MORN4: variants seen among roughly 807,000 people sequenced by gnomAD.
The protein encoded by MORN4 is MORN repeat-containing protein 4.
MORN4 carries 8 observed loss-of-function variants against 16.4 expected under a neutral mutation model. The observed-to-expected ratio is 0.49, with a 90% confidence interval of 0.29 to 0.88. The LOEUF (loss-of-function observed/expected upper bound fraction) is 0.88. Ranked by LOEUF, MORN4 falls within the 40% of genes least tolerant of loss-of-function variation. The pLI, the probability that MORN4 is intolerant of heterozygous loss-of-function variation, is 0.09. For missense variants in MORN4, 159 were observed against 182.9 expected (o/e 0.87, Z 0.75); for synonymous variants, 53 against 68.9 (o/e 0.77, Z 1.14).
chr10:97,616,515 C>T lies in MORN4; in HGVS notation c.293-104G>A, dbSNP rs566233679. On this transcript the variant is annotated intron_variant, in intron 4 of 4. Coordinates refer to ENST00000307450, the MANE Select transcript of MORN4 (RefSeq NM_178832.4). ...ATGTCCAGGCCAAAGAAGAGAAAAA[C>T]TCCCAGCTCTACTCAGGAGTACTCT... 1.6e-4 allele frequency: 219 copies of T among 1,369,964 alleles called. No homozygotes were observed. In the African/African-American group the frequency reaches 2.9e-3, roughly 18 times the overall value. The allele number at this position is 1,369,964 out of a possible 1,614,324, so 84.9% of individuals were successfully genotyped here.
At chr10:97,624,842 G>A (rs967504185) in intron 1 of MORN4, among the ~76,000 whole-genome samples, 18 of 152,050 alleles carry the variant, frequency 1.2e-4, no homozygotes, top group Admixed American at 5.2e-4. Context: ...ACAGGCATGC[G>A]CCACCACGCC....
In MORN4 at chr10:97,626,662, GT is replaced by G. The variant is rs372434710; in HGVS notation, c.-31+6684del. ...GTAGAGACAGGGCTTCACCATGTTG[GT>G]CAGGCTGGTCTCGAACTCCTGACCT... On this transcript the variant is annotated intron_variant, in intron 1 of 4. Transcript: ENST00000307450. Among the ~76,000 whole-genome samples, 438 of 151,656 alleles carry G rather than the reference GT, an allele frequency of 2.9e-3. 2 individuals are homozygous for G. The highest frequency in any genetic ancestry group is 0.01 in the African/African-American group (424 of 41,378).
rs576788522 is a variant in MORN4, at chr10:97,629,799, C to T, written c.-31+3548G>A. Among the ~76,000 whole-genome samples, 22 of 152,148 alleles carry T rather than the reference C, an allele frequency of 1.4e-4. No homozygotes were observed. The South Asian group carries it at 2.7e-3, about 19-fold the overall frequency. On this transcript the variant is annotated intron_variant, in intron 1 of 4. Coordinates refer to ENST00000307450, the MANE Select transcript of MORN4 (RefSeq NM_178832.4). The stretch of plus-strand genomic sequence containing the variant: ...TTTGAGACAGAGTCTCGCTTTGTCA[C>T]GCTGGGTGGAGTACAGTGGTGTGAT...
chr10:97,632,359 C>T (rs1439073921), intron 1 of MORN4, among the ~76,000 whole-genome samples: 2 of 151,696 alleles, frequency 1.3e-5, no homozygotes, highest in African/African-American at 2.4e-5. Context: ...GTTGGGATTA[C>T]AGGCACGTGC....
intron 1 of MORN4, among the ~76,000 whole-genome samples, chr10:97,625,338 C>G (rs2041337335): frequency 7.0e-6 from 1 of 143,182 alleles, no homozygotes; most frequent in Non-Finnish European, 1.5e-5. Flanking sequence ...ATTTAAGTAT[C>G]TCTAAATCTC....
intron 1 of MORN4, among the ~76,000 whole-genome samples, chr10:97,625,370 GAGATA>G (rs1446075558): frequency 1.3e-5 from 2 of 152,176 alleles, no homozygotes; most frequent in East Asian, 1.9e-4. Flanking sequence ...CTGTAAAGTG[GAGATA>G]AGATATGTAT....
In MORN4 at chr10:97,630,209, G is replaced by A. The variant is rs1272047562; in HGVS notation, c.-31+3138C>T. Among the ~76,000 whole-genome samples, 4 of 152,112 alleles carry A rather than the reference G, an allele frequency of 2.6e-5. No individual in the cohort carries two copies. In the East Asian group the frequency reaches 7.7e-4, roughly 29 times the overall value. On this transcript the variant is annotated intron_variant, in intron 1 of 4. Coordinates refer to ENST00000307450, the MANE Select transcript of MORN4 (RefSeq NM_178832.4). ...CCCGAAGTGCTGGGATTACAGGCATGAGCCACTGTGCCCGGCCCCGGCTAA... is the reference window on the plus strand; with the variant it reads ...CCCGAAGTGCTGGGATTACAGGCATAAGCCACTGTGCCCGGCCCCGGCTAA...
chr10:97,620,500 AAAAAAAAG>A lies in MORN4; in HGVS notation c.-30-825_-30-818del, dbSNP rs1347597583. Among the ~76,000 whole-genome samples the A allele has an allele frequency of 2.2e-4, 32 of 146,972 alleles. 1 individual carries two copies. The highest frequency in any genetic ancestry group is 3.6e-4 in the Non-Finnish European group (24 of 67,352). On this transcript the variant is annotated intron_variant, in intron 1 of 4. Transcript: ENST00000307450. ...CAAGACTCTGTCTCAAAAAAAAAAA[AAAAAAAAG>A]AAAAAAAAAAGAAAATATGGGGAAC...
At chr10:97,619,467 T>C (rs2041268647) in intron 2 of MORN4, 120 bp downstream of exon 2, 4 of 778,074 alleles carry the variant, frequency 5.1e-6, no homozygotes, top group South Asian at 2.8e-5. Context: ...GCAGGCACTA[T>C]ATGGAATTAA....
At chr10:97,631,553 T>G (rs1387159553) in intron 1 of MORN4, among the ~76,000 whole-genome samples, 1 of 151,574 alleles carries the variant, frequency 6.6e-6, no homozygotes, top group East Asian at 1.9e-4. Flanking sequence ...TTTCTAATTT[T>G]AAGAAATCAA....
chr10:97,630,656 G>A (rs1311397482), intron 1 of MORN4, among the ~76,000 whole-genome samples: 1 of 152,208 alleles, frequency 6.6e-6, no homozygotes, highest in East Asian at 1.9e-4. Context: ...CATTTGGCTA[G>A]AAACTGTCAC....
intron 1 of MORN4, among the ~76,000 whole-genome samples, chr10:97,625,750 T>A (rs1367372861): frequency 2.0e-5 from 3 of 152,228 alleles, no homozygotes; most frequent in Admixed American, 1.3e-4. Context: ...TATTTTTATT[T>A]TGGCCTCATG....
At chr10:97,623,723 C>T (rs1010259802) in intron 1 of MORN4, among the ~76,000 whole-genome samples, 6 of 150,348 alleles carry the variant, frequency 4.0e-5, no homozygotes, top group African/African-American at 9.9e-5. Flanking sequence ...CAAAACAAGA[C>T]GGGATTCTTT....
chr10:97,616,251 C>T lies in MORN4; in HGVS notation c.*12G>A. 1 of 1,560,302 alleles carries T rather than the reference C, an allele frequency of 6.4e-7. No homozygotes were observed. Among genetic ancestry groups the T allele is most frequent in the South Asian group, 1.2e-5 (1 of 82,970 alleles). ...TTTACCCAATACTTATCAGCTGGTG[C>T]CCACTGCGCTGTCAGGCAGTGAGAT... is the stretch of plus-strand genomic sequence containing the variant. On this transcript the variant is annotated 3_prime_UTR_variant, in exon 5 of 5. Transcript: ENST00000307450.
intron 2 of MORN4, 76 bp downstream of exon 2, chr10:97,619,511 G>A: frequency 1.0e-6 from 1 of 984,590 alleles, no homozygotes; most frequent in Non-Finnish European, 1.7e-6. Flanking sequence ...CCATAAAGTT[G>A]GCTATATATC....
intron 1 of MORN4, among the ~76,000 whole-genome samples, chr10:97,626,422 CATAATCATA>C (rs941115740): frequency 2.1e-5 from 3 of 142,048 alleles, no homozygotes; most frequent in Non-Finnish European, 3.0e-5. Context: ...TAATCATAAT[CATAATCATA>C]ATATGTTCTG....
At position 97,616,355 on chromosome 10, in the gene MORN4, CAA is replaced by C; in HGVS notation, c.347_348del (p.Phe116Ter). ...TCACGTCGCAGCAGCTTGTTGTTCTCAAAGAGACCTTCATTGCGGGGGATTCC... is the reference window on the plus strand; with the variant it reads ...TCACGTCGCAGCAGCTTGTTGTTCTCAGAGACCTTCATTGCGGGGGATTCC... ...SHGIPRNEGL[F>X]ENNKLLRREK... On this transcript the variant is annotated frameshift_variant, in exon 5 of 5. Transcript: ENST00000307450. LOFTEE classifies it high-confidence loss of function. 1 of 1,613,072 alleles carries C rather than the reference CAA, an allele frequency of 6.2e-7. No individual in the cohort carries two copies. The highest frequency in any genetic ancestry group is 8.5e-7 in the Non-Finnish European group (1 of 1,179,432).
chr10:97,621,933 C>A (rs1401909464), intron 1 of MORN4, among the ~76,000 whole-genome samples: 1 of 152,026 alleles, frequency 6.6e-6, no homozygotes, highest in Non-Finnish European at 1.5e-5. Context: ...GTGACTTGTT[C>A]TAGATAATGG....
chr10:97,616,095 C>T lies in MORN4; in HGVS notation c.*168G>A. On this transcript the variant is annotated 3_prime_UTR_variant, in exon 5 of 5. Transcript: ENST00000307450. ...AGGGTCTGCTGGCCAGCATCCTCAG[C>T]ACTTTTCTGTGGTCCAGTTCTGGAA... 1.6e-6 allele frequency: 1 copy of T among 612,162 alleles called. No homozygotes were observed. The highest frequency in any genetic ancestry group is 2.6e-6 in the Non-Finnish European group (1 of 381,068). The allele number at this position is 612,162 out of a possible 1,614,324, so 37.9% of individuals were successfully genotyped here.
Sources: allele counts gnomAD v4.1 joint callset (sites outside exome capture counted in the v4.1 genomes callset), GRCh38; gene constraint gnomAD v4.1.1; transcripts MANE v1.5; gene names NCBI Gene and HGNC (gene_info 2026-07-23, HGNC 2026-07-21).